Variants in CHST15 observed in about 807,000 individuals in gnomAD.
CHST15 encodes B cell RAG associated protein (GALNAC4S-6ST).
CHST15 carries 30 observed loss-of-function variants against 53.6 expected under a neutral mutation model. The observed-to-expected ratio is 0.56, with a 90% CI of 0.42 to 0.76. The LOEUF (loss-of-function observed/expected upper bound fraction) is 0.76, where lower values mean the gene tolerates loss of function less well. Among genes scored for constraint, CHST15 ranks in the 30% least tolerant of loss-of-function variants. The pLI, the probability that CHST15 is intolerant of heterozygous loss-of-function variation, is 0.00. For synonymous variants in CHST15, 296 were observed against 289.8 expected (o/e 1.02, Z -0.22); for missense variants, 627 against 740.5 (o/e 0.85, Z 1.78).
At chr10:124,028,244 T>C (rs997122831) in intron 5 of CHST15, among the ~76,000 whole-genome samples, 3 of 152,194 alleles carry the variant, frequency 2.0e-5, no homozygotes, top group Non-Finnish European at 4.4e-5. Flanking sequence ...TGCGGGATCT[T>C]GTATCTCTTG....
chr10:124,061,525 A>G (rs1948573398), intron 1 of CHST15, among the ~76,000 whole-genome samples: 1 of 152,206 alleles, frequency 6.6e-6, no homozygotes, highest in South Asian at 2.1e-4. Context: ...CAGCAGCGTG[A>G]AAACGGACTA....
chr10:124,027,633 G>T (rs780354690), intron 5 of CHST15, among the ~76,000 whole-genome samples: 5 of 152,216 alleles, frequency 3.3e-5, no homozygotes, highest in Admixed American at 6.5e-5. Context: ...TGGATGCTGG[G>T]GGGTAGGGAG....
chr10:124,020,854 A>C, intron 6 of CHST15: 1 of 1,248,450 alleles, frequency 8.0e-7, no homozygotes, highest in Non-Finnish European at 1.0e-6. Context: ...AGAAGCATTG[A>C]AAATCATTGA....
At chr10:124,073,678 G>A (rs181760148) in intron 1 of CHST15, among the ~76,000 whole-genome samples, 112 of 152,352 alleles carry the variant, frequency 7.4e-4, no homozygotes, top group Middle Eastern at 3.4e-3. Context: ...TTCGACAGGC[G>A]CATGAATGAG....
chr10:124,037,833 C>T (rs562402397), intron 5 of CHST15, among the ~76,000 whole-genome samples: 2 of 152,302 alleles, frequency 1.3e-5, no homozygotes, highest in South Asian at 4.1e-4. Context: ...GCATCAACCA[C>T]GTGGAGAGAC....
At chr10:124,091,464 C>G (rs141792722) in intron 1 of CHST15, among the ~76,000 whole-genome samples, 1 of 152,272 alleles carries the variant, frequency 6.6e-6, no homozygotes, top group Non-Finnish European at 1.5e-5. Flanking sequence ...GTGCAGATGC[C>G]CTCCGAGGCC....
At position 124,008,516 on chromosome 10, in the gene CHST15, C is replaced by A. The variant is rs28690730; in HGVS notation, c.*1633G>T. ...CCTGCAAGTGGGAGTTCAGGACACA[C>A]GCTCCTTCAGTAGCAAAAACAGCCC... On this transcript the variant is annotated 3_prime_UTR_variant, in exon 8 of 8. Coordinates refer to ENST00000435907, the MANE Select transcript of CHST15 (RefSeq NM_001270764.2). 7 of 992,428 alleles carry A rather than the reference C, an allele frequency of 7.1e-6. No homozygotes were observed. The highest frequency in any genetic ancestry group is 8.4e-6 in the Non-Finnish European group (7 of 833,870). 61.5% of individuals were successfully genotyped at this position (992,428 alleles called of 1,614,324 possible).
chr10:124,041,487 T>G (rs1161010862), intron 4 of CHST15, among the ~76,000 whole-genome samples: 1 of 152,150 alleles, frequency 6.6e-6, no homozygotes, highest in Non-Finnish European at 1.5e-5. Context: ...AATCCTGTAT[T>G]GCATGCTGGA....
chr10:124,020,598 G>A (rs1240545955), intron 6 of CHST15: 33 of 986,994 alleles, frequency 3.3e-5, no homozygotes, highest in Non-Finnish European at 3.7e-5. Flanking sequence ...GCAGAGCAAG[G>A]CTTGTAAAGC....
At chr10:124,025,557 T>C (rs575258831) in intron 5 of CHST15, among the ~76,000 whole-genome samples, 1 of 152,312 alleles carries the variant, frequency 6.6e-6, no homozygotes, top group Non-Finnish European at 1.5e-5. Flanking sequence ...GGGACTAGAT[T>C]CACCACAAGC....
chr10:124,070,565 C>T (rs537198727), intron 1 of CHST15, among the ~76,000 whole-genome samples: 1 of 152,028 alleles, frequency 6.6e-6, no homozygotes, highest in East Asian at 1.9e-4. Flanking sequence ...TAAATAGAAA[C>T]GGGGTTTCAC....
intron 1 of CHST15, among the ~76,000 whole-genome samples, chr10:124,081,571 C>T (rs1388491232): frequency 6.6e-6 from 1 of 152,180 alleles, no homozygotes; most frequent in African/African-American, 2.4e-5. Flanking sequence ...TGTAAAGGTG[C>T]TTTAGAATAT....
intron 3 of CHST15, among the ~76,000 whole-genome samples, chr10:124,043,418 G>T (rs1947815864): frequency 6.6e-6 from 1 of 152,226 alleles, no homozygotes; most frequent in South Asian, 2.1e-4. Context: ...TTAGCTCACT[G>T]TAGGACGAAC....
intron 1 of CHST15, among the ~76,000 whole-genome samples, chr10:124,078,331 T>C: frequency 6.6e-6 from 1 of 152,252 alleles, no homozygotes; most frequent in Non-Finnish European, 1.5e-5. Flanking sequence ...TGAACTCCTC[T>C]GAACTCAGTT....
rs1203403279 is a variant in CHST15, at chr10:124,009,541, G to GA, written c.*607dup. On this transcript the variant is annotated 3_prime_UTR_variant, in exon 8 of 8. Transcript: ENST00000435907. The stretch of plus-strand genomic sequence containing the variant: ...GGAGGGCTGAGTTTGGAGTAAAGGA[G>GA]AAAAAAAAAATGAAGAGCCTCCATT... 1,305 of 894,992 alleles carry GA rather than the reference G, an allele frequency of 1.5e-3. No individual in the cohort carries two copies. The highest frequency in any genetic ancestry group is 3.8e-3 in the African/African-American group (208 of 54,684). 55.4% of individuals were successfully genotyped at this position (894,992 alleles called of 1,614,324 possible). A position where few individuals can be genotyped will look rare whatever the true frequency, so the allele number is the denominator to read the frequency against.
In CHST15 at chr10:124,008,077, T is replaced by G; in HGVS notation, c.*2072A>C. 2 of 1,232,030 alleles carry G rather than the reference T, an allele frequency of 1.6e-6. No homozygotes were observed. Among genetic ancestry groups the G allele is most frequent in the South Asian group, 8.2e-5 (2 of 24,290 alleles). The allele number at this position is 1,232,030 out of a possible 1,614,324, so 76.3% of individuals were successfully genotyped here. ...GCATATATAAAAAAGATCCGCATAA[T>G]AAACCAAATAATATTGGAAATAATA... On this transcript the variant is annotated 3_prime_UTR_variant, in exon 8 of 8. Transcript: ENST00000435907.
rs922148977 is a variant in CHST15, at chr10:124,056,796, C to T, written c.-512-10072G>A. Among the ~76,000 whole-genome samples the T allele has an allele frequency of 4.0e-5, 6 of 151,672 alleles. No homozygotes were observed. In the South Asian group the frequency reaches 1.3e-3, roughly 32 times the overall value. ...ACGACCGGACACTCCGCGGCCCAGG[C>T]CCGTACAACCGGACACTCCACGGCC... On this transcript the variant is annotated intron_variant, in intron 1 of 7. Coordinates refer to ENST00000435907, the MANE Select transcript of CHST15 (RefSeq NM_001270764.2).
intron 1 of CHST15, among the ~76,000 whole-genome samples, chr10:124,064,677 C>CT (rs1343269454): frequency 1.3e-4 from 19 of 151,754 alleles, no homozygotes; most frequent in African/African-American, 4.6e-4. Context: ...GCCCCCACTC[C>CT]TGCTGGCGGC....
intron 1 of CHST15, among the ~76,000 whole-genome samples, chr10:124,089,680 GACTCCTCAC>G (rs897307842): frequency 6.6e-6 from 1 of 152,072 alleles, no homozygotes; most frequent in African/African-American, 2.4e-5. Context: ...CTGAAAAGGA[GACTCCTCAC>G]ACTCCCCCGA....
Sources: allele counts gnomAD v4.1 joint callset (sites outside exome capture counted in the v4.1 genomes callset), GRCh38; gene constraint gnomAD v4.1.1; transcripts MANE v1.5; gene names NCBI Gene and HGNC (gene_info 2026-07-23, HGNC 2026-07-21).